ADGRD1: variants seen among roughly 807,000 people sequenced by gnomAD.
ADGRD1 encodes the protein adhesion G protein-coupled receptor D1, also known as G-protein coupled receptor 133.
A neutral mutation model predicts 113.4 loss-of-function variants in ADGRD1; 77 were observed. That is an observed-to-expected ratio of 0.68 (90% CI 0.57 to 0.82). The LOEUF (loss-of-function observed/expected upper bound fraction) is 0.82. Ranked by LOEUF, ADGRD1 falls within the 40% of genes least tolerant of loss-of-function variation. The pLI is 0.00. For missense variants in ADGRD1, 1,036 were observed against 1,139.1 expected, an observed-to-expected ratio of 0.91 and a Z score of 1.30; for synonymous variants, 474 against 475.0, an observed-to-expected ratio of 1.00 and a Z score of 0.03.
At chr12:131,010,593 C>G (rs954115365) in intron 12 of ADGRD1, among the ~76,000 whole-genome samples, 3 of 152,210 alleles carry the variant, frequency 2.0e-5, no homozygotes, top group African/African-American at 7.2e-5. Context: ...TAAGTCCCCT[C>G]TTTGTGTAAC....
intron 8 of ADGRD1, chr12:130,994,090 A>G (rs1874839826): frequency 4.1e-6 from 1 of 241,456 alleles, no homozygotes; most frequent in Admixed American, 4.3e-5. Context: ...AGCTCAGCCA[A>G]TCATGAAGGA....
In ADGRD1 at chr12:131,003,344, G is replaced by A. The variant is rs565822971; in HGVS notation, c.1144+42G>A. The A allele has an allele frequency of 7.3e-7, 1 of 1,372,854 alleles. No homozygotes were observed. The highest frequency in any genetic ancestry group is 1.2e-5 in the South Asian group (1 of 86,360). 85.0% of individuals were successfully genotyped at this position (1,372,854 alleles called of 1,614,324 possible). A position where few individuals can be genotyped will look rare whatever the true frequency, so the allele number is the denominator to read the frequency against. On this transcript the variant is annotated intron_variant, in intron 10 of 24. Coordinates refer to ENST00000261654, the MANE Select transcript of ADGRD1 (RefSeq NM_198827.5). The surrounding 1 kb of genome is among the most constrained non-coding windows in gnomAD (Gnocchi z 4.8). ...AGGGTGAGCCACATGGCAGGGGCGG[G>A]GGCTGGAGGCTGCGTTTCACTGCCT...
chr12:130,954,785 C>T lies in ADGRD1; in HGVS notation c.103+125C>T, dbSNP rs544572813. The T allele has an allele frequency of 2.7e-3, 2,329 of 863,840 alleles. 11 individuals carry two copies. The highest frequency in any genetic ancestry group is 5.0e-3 in the Middle Eastern group (15 of 2,990). 53.5% of individuals were successfully genotyped at this position (863,840 alleles called of 1,614,324 possible). ...TGGCCCTTGTTGGGCTCCTGGTCCC[C>T]GACCTCACTGCCTCACCACACACTG... On this transcript the variant is annotated intron_variant, in intron 2 of 24. Transcript: ENST00000261654. The surrounding 1 kb of genome is among the most constrained non-coding windows in gnomAD (Gnocchi z 4.7).
At chr12:131,047,242 T>A (rs577891088) in intron 13 of ADGRD1, among the ~76,000 whole-genome samples, 1 of 152,320 alleles carries the variant, frequency 6.6e-6, no homozygotes, top group Non-Finnish European at 1.5e-5. Flanking sequence ...CCTGTGAAGA[T>A]CTCCAGCCCT....
chr12:130,979,269 C>T lies in ADGRD1; in HGVS notation c.311-2615C>T, dbSNP rs982636603. ...AGCCTCTCAGAGGTCCAGAAAGGTC[C>T]AGGCCTCTTCCAATTTTTTTGAGGT... On this transcript the variant is annotated intron_variant, in intron 4 of 24. Coordinates refer to ENST00000261654, the MANE Select transcript of ADGRD1 (RefSeq NM_198827.5). Among the ~76,000 whole-genome samples, 33 of 152,182 alleles carry T rather than the reference C, an allele frequency of 2.2e-4. 1 individual carries two copies. The highest frequency in any genetic ancestry group is 5.3e-4 in the African/African-American group (22 of 41,440).
At chr12:131,018,163 G>A (rs892357873) in intron 13 of ADGRD1, among the ~76,000 whole-genome samples, 6 of 152,128 alleles carry the variant, frequency 3.9e-5, no homozygotes, top group South Asian at 2.1e-4. Context: ...CCTCACCCAG[G>A]GGCCTCACGC....
At chr12:131,132,155 C>A (rs1950946744) in intron 21 of ADGRD1, among the ~76,000 whole-genome samples, 1 of 152,226 alleles carries the variant, frequency 6.6e-6, no homozygotes, top group Non-Finnish European at 1.5e-5. Context: ...AGTCCCGCAT[C>A]TGCCCTGGCC....
intron 15 of ADGRD1, among the ~76,000 whole-genome samples, chr12:131,088,843 T>C (rs917825641): frequency 6.6e-6 from 1 of 152,170 alleles, no homozygotes; most frequent in Non-Finnish European, 1.5e-5. Flanking sequence ...TTCTGACTGT[T>C]AGAGGTGTCG....
chr12:131,082,069 A>C (rs894301631), intron 14 of ADGRD1, among the ~76,000 whole-genome samples: 1 of 151,758 alleles, frequency 6.6e-6, no homozygotes, highest in Non-Finnish European at 1.5e-5. Flanking sequence ...AGGGTTTTTT[A>C]TGTGTTTTTT....
In ADGRD1 at chr12:130,987,423, C is replaced by T. The variant is rs1273435131; in HGVS notation, c.745+74C>T. The T allele has an allele frequency of 3.2e-6, 5 of 1,545,690 alleles. 1 individual carries two copies. The South Asian group carries it at 3.5e-5, about 11-fold the overall frequency. ...TCACCCTGGTATCGGCCTCCTTTCT[C>T]CCCACTCTCCCGTTGCAGCTATCAG... On this transcript the variant is annotated intron_variant, in intron 6 of 24. Transcript: ENST00000261654.
At chr12:131,001,336 G>A (rs1273236059) in intron 9 of ADGRD1, among the ~76,000 whole-genome samples, 1 of 152,168 alleles carries the variant, frequency 6.6e-6, no homozygotes, top group African/African-American at 2.4e-5. Flanking sequence ...TAGTTGTGGA[G>A]AAGTTAGAAA....
chr12:131,099,956 T>C (rs1277423774), intron 15 of ADGRD1, among the ~76,000 whole-genome samples: 1 of 152,102 alleles, frequency 6.6e-6, no homozygotes, highest in African/African-American at 2.4e-5. Flanking sequence ...TGGTTCATGG[T>C]GGGGTTGGTT....
chr12:130,968,794 T>A (rs1871291369), intron 3 of ADGRD1: 1 of 586,242 alleles, frequency 1.7e-6, no homozygotes, highest in Non-Finnish European at 3.0e-6. Flanking sequence ...GTGGCCGAGC[T>A]GCTGACCAAA....
At chr12:131,046,368 G>C (rs200274816) in intron 13 of ADGRD1, among the ~76,000 whole-genome samples, 2 of 117,140 alleles carry the variant, frequency 1.7e-5, no homozygotes, top group Admixed American at 8.6e-5. Context: ...TCCCTGGTCA[G>C]TGCTCCTCCC....
At chr12:130,973,706 C>T (rs561534180) in intron 4 of ADGRD1, among the ~76,000 whole-genome samples, 157 of 152,322 alleles carry the variant, frequency 1.0e-3, no homozygotes, top group African/African-American at 3.6e-3. Flanking sequence ...ACTCGGGCTT[C>T]ATGTCCCGCT....
rs1879417970 is a variant in ADGRD1, at chr12:131,022,338, AC to A, written c.1473+8000del. ...TGGGGAGATACCGTGAAACTACACA[AC>A]CTTCCTTCAGCTCATCTTCCTTCAT... On this transcript the variant is annotated intron_variant, in intron 13 of 24. Coordinates refer to ENST00000261654, the MANE Select transcript of ADGRD1 (RefSeq NM_198827.5). This position sits in a 1 kb window ranked among gnomAD's most constrained non-coding sequence, Gnocchi z 4.6. Among the ~76,000 whole-genome samples, 1 of 151,990 alleles carries A rather than the reference AC, an allele frequency of 6.6e-6. No individual in the cohort carries two copies. Among genetic ancestry groups the A allele is most frequent in the South Asian group, 2.1e-4 (1 of 4,806 alleles).
At chr12:131,121,204 C>T (rs949309901) in intron 20 of ADGRD1, among the ~76,000 whole-genome samples, 3 of 152,174 alleles carry the variant, frequency 2.0e-5, no homozygotes, top group East Asian at 1.9e-4. Flanking sequence ...GGCGCGGGCT[C>T]GTCCTTCCCC....
intron 13 of ADGRD1, among the ~76,000 whole-genome samples, chr12:131,048,342 A>G (rs1051397268): frequency 6.6e-5 from 10 of 152,178 alleles, no homozygotes; most frequent in African/African-American, 2.4e-4. Context: ...CACATCCTGC[A>G]GCTGGCCAGG....
intron 13 of ADGRD1, among the ~76,000 whole-genome samples, chr12:131,066,201 G>T (rs531793326): frequency 2.0e-4 from 31 of 152,354 alleles, no homozygotes; most frequent in African/African-American, 6.7e-4. Flanking sequence ...ACCGCTACAA[G>T]ATTTGAATAT....
Sources: allele counts gnomAD v4.1 joint callset (sites outside exome capture counted in the v4.1 genomes callset), GRCh38; gene constraint gnomAD v4.1.1; non-coding constraint Gnocchi (gnomAD v3.1); transcripts MANE v1.5; gene names NCBI Gene and HGNC (gene_info 2026-07-23, HGNC 2026-07-21).